The following KDM4B variants were observed in gnomAD, a reference collection of about 807,000 sequenced individuals.
The protein encoded by KDM4B is lysine demethylase 4B, also known as lysine-specific demethylase 4B.
Under a neutral mutation model 125.2 loss-of-function variants are expected in KDM4B, and 32 were observed. That is an observed-to-expected ratio of 0.26 (90% confidence interval 0.19 to 0.34). The LOEUF is 0.34. Ranked by LOEUF, KDM4B falls within the 10% of genes least tolerant of loss-of-function variation. KDM4B has a pLI of 1.00. For missense variants in KDM4B, 1,190 were observed against 1,577.7 expected (o/e 0.75, Z 4.16); for synonymous variants, 721 against 677.9 (o/e 1.06, Z -0.99).
chr19:5,024,568 C>T (rs2036221783), intron 2 of KDM4B, among the ~76,000 whole-genome samples: 1 of 152,008 alleles, frequency 6.6e-6, no homozygotes, highest in Non-Finnish European at 1.5e-5. Context: ...CTGCTGGTCC[C>T]ATGTCATGGT....
At chr19:5,007,275 A>C (rs1308147888) in intron 1 of KDM4B, among the ~76,000 whole-genome samples, 1 of 152,064 alleles carries the variant, frequency 6.6e-6, no homozygotes, top group Non-Finnish European at 1.5e-5. Context: ...CTCCTCTGTC[A>C]TTTTCGGCAT....
At chr19:5,118,318 A>G (rs1435648751) in intron 10 of KDM4B, among the ~76,000 whole-genome samples, 4 of 152,224 alleles carry the variant, frequency 2.6e-5, no homozygotes, top group Non-Finnish European at 4.4e-5. Flanking sequence ...ATTGTCCCGG[A>G]AACACTGGCG....
chr19:5,123,712 T>C (rs1039800047), intron 11 of KDM4B, among the ~76,000 whole-genome samples: 1 of 152,188 alleles, frequency 6.6e-6, no homozygotes, highest in Admixed American at 6.5e-5. Context: ...TCAGAAATAA[T>C]GCAGACTCCA....
chr19:4,994,042 T>A (rs978863553), intron 1 of KDM4B, among the ~76,000 whole-genome samples: 3 of 112,594 alleles, frequency 2.7e-5, no homozygotes, highest in African/African-American at 1.2e-4. Context: ...TTTTTTTTTT[T>A]GTTATTGTTG....
At position 5,151,343 on chromosome 19, in the gene KDM4B, C is replaced by T; in HGVS notation, c.3123C>T (p.Ser1041=). The T allele has an allele frequency of 1.3e-6, 2 of 1,560,478 alleles. No individual in the cohort carries two copies. Among genetic ancestry groups the T allele is most frequent in the East Asian group, 2.4e-5 (1 of 41,428 alleles). The change falls in exon 23 of 23, where the codon AGC becomes AGT. Residue 1041 remains serine (S), a synonymous_variant. Transcript: ENST00000159111. ...CTTCCGCTCTCCCGCAGTCACTGAGCACGGGGGCACCGCAGGAGCCCGCCT... is the reference window on the plus strand; with the variant it reads ...CTTCCGCTCTCCCGCAGTCACTGAGTACGGGGGCACCGCAGGAGCCCGCCT... The part of the protein sequence containing the change: ...PKRVRSRLSL[S]TGAPQEPAFS...
intron 7 of KDM4B, 82 bp from the exon 8 acceptor site, chr19:5,077,285 C>A: frequency 8.3e-7 from 1 of 1,198,352 alleles, no homozygotes; most frequent in Non-Finnish European, 1.2e-6. Flanking sequence ...GAGGAAAGAG[C>A]CAGCCTGCCC....
intron 2 of KDM4B, among the ~76,000 whole-genome samples, chr19:5,024,433 G>A (rs1381484415): frequency 6.6e-6 from 1 of 152,148 alleles, no homozygotes; most frequent in East Asian, 1.9e-4. Context: ...GCGATCAGGA[G>A]AGCAGCCCAG....
At chr19:5,037,505 G>T (rs2036667084) in intron 3 of KDM4B, among the ~76,000 whole-genome samples, 1 of 152,244 alleles carries the variant, frequency 6.6e-6, no homozygotes, top group Non-Finnish European at 1.5e-5. Flanking sequence ...GCCAGGGACA[G>T]GTGCCCCAGG....
chr19:5,100,665 C>T (rs2038913192), intron 9 of KDM4B, among the ~76,000 whole-genome samples: 1 of 152,168 alleles, frequency 6.6e-6, no homozygotes, highest in African/African-American at 2.4e-5. Context: ...ATCCTCTCGC[C>T]TCGGCCTCTC....
At chr19:5,030,779 A>G (rs925291951) in intron 2 of KDM4B, among the ~76,000 whole-genome samples, 1 of 152,256 alleles carries the variant, frequency 6.6e-6, no homozygotes, top group African/African-American at 2.4e-5. Context: ...CGACCATGTC[A>G]TCATCTGTGA....
chr19:4,969,484 G>A (rs1228105991), intron 1 of KDM4B, among the ~76,000 whole-genome samples: 1 of 149,114 alleles, frequency 6.7e-6, no homozygotes, highest in Non-Finnish European at 1.5e-5. Context: ...GCGCGCCCAG[G>A]GGCGGGAGCG....
rs576659547 is a variant in KDM4B, at chr19:5,116,664, G to C, written c.1116-2989G>C. Among the ~76,000 whole-genome samples the C allele has an allele frequency of 3.3e-5, 5 of 152,310 alleles. No individual in the cohort carries two copies. The South Asian group carries it at 1.0e-3, about 32-fold the overall frequency. ...CCACAGCAGGAGTTTAAGAGCAATG[G>C]CAGGGAGCTCAGAGATACCAAGGAA... On this transcript the variant is annotated intron_variant, in intron 10 of 22. Transcript: ENST00000159111.
At position 5,142,101 on chromosome 19, in the gene KDM4B, C is replaced by T. The variant is rs1436921553; in HGVS notation, c.2551-1866C>T. Among the ~76,000 whole-genome samples, 2 of 152,206 alleles carry T rather than the reference C, an allele frequency of 1.3e-5. No homozygotes were observed. Among genetic ancestry groups the T allele is most frequent in the African/African-American group, 2.4e-5 (1 of 41,464 alleles). Reference sequence around the variant, plus strand: ...CGGTGACCACCTGCTTCCTCCAGGCCGTGGTGCTCTGCAGACCTCTGAAGC... The same window carrying T: ...CGGTGACCACCTGCTTCCTCCAGGCTGTGGTGCTCTGCAGACCTCTGAAGC... On this transcript the variant is annotated intron_variant, in intron 18 of 22. Coordinates refer to ENST00000159111, the MANE Select transcript of KDM4B (RefSeq NM_015015.3). This position sits in a 1 kb window ranked among gnomAD's most constrained non-coding sequence, Gnocchi z 5.4.
chr19:5,151,794 T>C lies in KDM4B; in HGVS notation c.*283T>C, dbSNP rs182878882. ...TCTCTTCTTCTCGAAAAGGTGCTAC[T>C]GCAATGCCCTACTGAGCAACCTTTG... On this transcript the variant is annotated 3_prime_UTR_variant, in exon 23 of 23. Transcript: ENST00000159111. The C allele has an allele frequency of 4.0e-5, 14 of 348,564 alleles. No homozygotes were observed. The highest frequency in any genetic ancestry group is 7.2e-5 in the Non-Finnish European group (14 of 194,106). 21.6% of individuals were successfully genotyped at this position (348,564 alleles called of 1,614,324 possible).
intron 1 of KDM4B, among the ~76,000 whole-genome samples, chr19:4,984,908 G>C (rs531617271): frequency 2.0e-5 from 3 of 152,296 alleles, no homozygotes; most frequent in Admixed American, 6.5e-5. Flanking sequence ...TAATTAATTT[G>C]GCCTTTAGCC....
Position 5,091,275 on chromosome 19 carries a change from C to T in KDM4B, c.918+8771C>T, listed in dbSNP as rs369222375. Among the ~76,000 whole-genome samples, 10 of 152,328 alleles carry T rather than the reference C, an allele frequency of 6.6e-5. No individual in the cohort carries two copies. The East Asian group carries it at 1.9e-3, about 29-fold the overall frequency. On this transcript the variant is annotated intron_variant, in intron 9 of 22. Coordinates refer to ENST00000159111, the MANE Select transcript of KDM4B (RefSeq NM_015015.3). ...CGGGGAGAGTTGACTGAGGATTAAA[C>T]AGAGCGCGAGAGATGTGAAGCCTGG...
chr19:4,989,851 C>G (rs1175251498), intron 1 of KDM4B, among the ~76,000 whole-genome samples: 1 of 152,200 alleles, frequency 6.6e-6, no homozygotes, highest in African/African-American at 2.4e-5. Context: ...TAGGGTTTCA[C>G]CTTGTTCACC....
intron 1 of KDM4B, among the ~76,000 whole-genome samples, chr19:4,983,233 C>G (rs1316677202): frequency 6.6e-6 from 1 of 151,776 alleles, no homozygotes; most frequent in East Asian, 1.9e-4. Context: ...GGCCCTGGCC[C>G]CGGATGCACT....
chr19:5,107,039 G>A (rs920245875), intron 9 of KDM4B, among the ~76,000 whole-genome samples: 1 of 152,206 alleles, frequency 6.6e-6, no homozygotes. Flanking sequence ...CATGCTCCGC[G>A]TTCCTCACCT....
Sources: gnomAD v4.1 joint callset for allele counts (sites outside exome capture counted in the v4.1 genomes callset) on GRCh38, gnomAD v4.1.1 for gene constraint, Gnocchi (gnomAD v3.1) non-coding constraint, MANE v1.5 for transcripts, NCBI Gene and HGNC (gene_info 2026-07-23, HGNC 2026-07-21) for gene names.